The following WHR1 variants were observed in gnomAD, a reference collection of about 807,000 sequenced individuals.
WHR1 encodes winged helix repair factor 1.
At chr6:31,971,628 A>G in the WHR1 span, 2 of 1,612,034 alleles carry the variant, frequency 1.2e-6, no homozygotes, top group South Asian at 1.1e-5. This position sits in a 1 kb window ranked among gnomAD's most constrained non-coding sequence, Gnocchi z 4.5. Context: ...TCCGAGGCTC[A>G]GCTACCTCTG....
chr6:31,978,538 T>A, the WHR1 span, among the ~76,000 whole-genome samples: 7 of 152,226 alleles, frequency 4.6e-5, no homozygotes, highest in African/African-American at 1.7e-4. Flanking sequence ...CCTGGTTTAT[T>A]TTTATTTGTT....
the WHR1 span, chr6:31,971,537 A>C: frequency 2.5e-6 from 4 of 1,614,114 alleles, no homozygotes; most frequent in Admixed American, 6.7e-5. The surrounding 1 kb of genome is among the most constrained non-coding windows in gnomAD (Gnocchi z 4.5). Context: ...CCCAGTTCCG[A>C]AGGGCGCCGG....
the WHR1 span, chr6:31,971,999 G>A: frequency 6.2e-7 from 1 of 1,602,266 alleles, no homozygotes; most frequent in African/African-American, 1.3e-5. The surrounding 1 kb of genome is among the most constrained non-coding windows in gnomAD (Gnocchi z 4.5). Context: ...GCCGAAGGAT[G>A]CAAAAGTGGT....
At chr6:31,972,766 C>T in the WHR1 span, 3 of 1,610,114 alleles carry the variant, frequency 1.9e-6, no homozygotes, top group Non-Finnish European at 2.5e-6. The surrounding 1 kb of genome is among the most constrained non-coding windows in gnomAD (Gnocchi z 6.3). Flanking sequence ...TGGTGAGGGG[C>T]GTCGGTGCGA....
chr6:31,972,096 G>A, the WHR1 span: 1 of 1,613,174 alleles, frequency 6.2e-7, no homozygotes, highest in Non-Finnish European at 8.5e-7. The surrounding 1 kb of genome is among the most constrained non-coding windows in gnomAD (Gnocchi z 6.3). Flanking sequence ...CACGAAGGAG[G>A]TTGACACCAA....
chr6:31,981,023 A>T, the WHR1 span: 1 of 508,302 alleles, frequency 2.0e-6, no homozygotes, highest in South Asian at 2.1e-5. Flanking sequence ...CACTTCAGGA[A>T]CCCTCCTCCG....
the WHR1 span, chr6:31,980,308 A>G: frequency 1.3e-6 from 1 of 742,796 alleles, no homozygotes; most frequent in East Asian, 2.7e-5. Context: ...GCACAGAACC[A>G]CCCCAGGCTG....
At chr6:31,979,306 G>C in the WHR1 span, 1 of 1,467,040 alleles carries the variant, frequency 6.8e-7, no homozygotes, top group Admixed American at 1.9e-5. Flanking sequence ...ATGAGAGGTG[G>C]AAGGATCTGA....
At chr6:31,979,685 T>C in the WHR1 span, 8 of 1,217,590 alleles carry the variant, frequency 6.6e-6, no homozygotes, top group Non-Finnish European at 9.0e-6. Context: ...CTCTTCTTGT[T>C]AATAAAATGA....
chr6:31,976,904 C>T, the WHR1 span, among the ~76,000 whole-genome samples: 1 of 152,190 alleles, frequency 6.6e-6, no homozygotes, highest in East Asian at 1.9e-4. Context: ...ACCAGTCAGG[C>T]GTGGCGGCGC....
At chr6:31,977,497 A>G in the WHR1 span, among the ~76,000 whole-genome samples, 1 of 151,102 alleles carries the variant, frequency 6.6e-6, no homozygotes, top group Non-Finnish European at 1.5e-5. Context: ...GCCCGCCACT[A>G]TGCCTGGCTA....
chr6:31,971,896 G>A, the WHR1 span: 1 of 1,503,732 alleles, frequency 6.7e-7, no homozygotes, highest in Non-Finnish European at 8.9e-7. The surrounding 1 kb of genome is among the most constrained non-coding windows in gnomAD (Gnocchi z 4.5). Context: ...AGGTTAGGAA[G>A]GACGTCTGCG....
the WHR1 span, chr6:31,979,648 C>T: frequency 1.3e-6 from 2 of 1,511,598 alleles, no homozygotes; most frequent in Admixed American, 4.2e-5. Context: ...TTTGGTGAAC[C>T]TGCCAGAAAA....
the WHR1 span, among the ~76,000 whole-genome samples, chr6:31,976,081 G>C: frequency 1.3e-5 from 2 of 148,774 alleles, no homozygotes; most frequent in African/African-American, 2.5e-5. Context: ...CTGGCCGGGT[G>C]GGGGGCTGAC....
chr6:31,973,438 A>T, the WHR1 span: 3 of 173,062 alleles, frequency 1.7e-5, no homozygotes, highest in African/African-American at 7.2e-5. Flanking sequence ...ATAGAATTAC[A>T]AGTCATGGAG....
chr6:31,978,845 T>C, the WHR1 span: 50 of 1,555,604 alleles, frequency 3.2e-5, no homozygotes, highest in African/African-American at 4.1e-5. Context: ...GCGCCCAGAG[T>C]ATAGCAGAGC....
the WHR1 span, chr6:31,980,413 C>A: frequency 3.2e-6 from 5 of 1,558,236 alleles, no homozygotes; most frequent in South Asian, 2.3e-5. Context: ...GTTCTCAGAG[C>A]CCAGCCCTCA....
At chr6:31,979,098 C>A in the WHR1 span, 1 of 1,254,312 alleles carries the variant, frequency 8.0e-7, no homozygotes, top group Non-Finnish European at 1.1e-6. Context: ...AAGAATTTCC[C>A]TGCCCCCACA....
chr6:31,971,593 G>C, the WHR1 span: 2 of 1,613,834 alleles, frequency 1.2e-6, no homozygotes, highest in Non-Finnish European at 1.7e-6. This position sits in a 1 kb window ranked among gnomAD's most constrained non-coding sequence, Gnocchi z 4.5. Context: ...TGTGGGCAGA[G>C]AAGGTGCTGG....
Sources: allele counts gnomAD v4.1 joint callset (sites outside exome capture counted in the v4.1 genomes callset), GRCh38; gene constraint gnomAD v4.1.1; non-coding constraint Gnocchi (gnomAD v3.1); transcripts MANE v1.5; gene names NCBI Gene and HGNC (gene_info 2026-07-23, HGNC 2026-07-21).